The following CENPO variants were observed in gnomAD, a reference collection of about 807,000 sequenced individuals.
The protein encoded by CENPO is centromeric protein O.
CENPO carries 30 observed loss-of-function variants against 36.1 expected under a neutral mutation model. The observed-to-expected ratio is 0.83, with a 90% confidence interval of 0.62 to 1.13. The LOEUF (loss-of-function observed/expected upper bound fraction) is 1.13. Ranked by LOEUF, CENPO falls within the 50% of genes most tolerant of loss-of-function variation. CENPO has a pLI of 0.00. For missense variants in CENPO, 349 were observed against 357.8 expected (o/e 0.98, Z 0.20); for synonymous variants, 171 against 142.3 (o/e 1.20, Z -1.44).
At chr2:24,819,205 G>GTTCT (rs1205483364) in intron 7 of CENPO, 149 bp from the exon 8 acceptor site, 1 of 152,592 alleles carries the variant, frequency 6.6e-6, no homozygotes, top group Non-Finnish European at 1.5e-5. Context: ...AAACAGTCTT[G>GTTCT]TTCTTTATCA....
chr2:24,796,231 G>A (rs757824962), intron 2 of CENPO, among the ~76,000 whole-genome samples: 8 of 152,168 alleles, frequency 5.3e-5, no homozygotes, highest in Non-Finnish European at 1.0e-4. Flanking sequence ...GTGCATGCCT[G>A]TAGTCCCAGC....
In CENPO at chr2:24,820,844, C is replaced by A. The variant is rs761612616; in HGVS notation, c.*1526C>A. Reference sequence around the variant, plus strand: ...CCCCAGCCAGAACCCCGCCTTTGTTCATGCCTAGGGTAGAGGCATAAAGTT... The same window carrying A: ...CCCCAGCCAGAACCCCGCCTTTGTTAATGCCTAGGGTAGAGGCATAAAGTT... On this transcript the variant is annotated 3_prime_UTR_variant, in exon 8 of 8. Transcript: ENST00000380834. 4.3e-6 allele frequency: 7 copies of A among 1,613,838 alleles called. No individual in the cohort carries two copies. The African/African-American group carries it at 9.3e-5, about 22-fold the overall frequency.
chr2:24,793,820 T>G lies in CENPO; in HGVS notation c.-68-32T>G, dbSNP rs1572715871. On this transcript the variant is annotated intron_variant, in intron 1 of 7. Transcript: ENST00000380834. ...GTCTGGGTTTGAATGGGACTAGATG[T>G]GATGTGACTGTTGCCATTTTTCTTT... The G allele has an allele frequency of 2.0e-6, 3 of 1,507,832 alleles. No homozygotes were observed. In the South Asian group the frequency reaches 3.4e-5, roughly 17 times the overall value. 93.4% of individuals were successfully genotyped at this position (1,507,832 alleles called of 1,614,324 possible).
chr2:24,817,901 T>TG, intron 7 of CENPO, 60 bp downstream of exon 7: 2 of 1,383,408 alleles, frequency 1.4e-6, no homozygotes, highest in Non-Finnish European at 2.0e-6. Context: ...GAAGGGTACA[T>TG]CACCCTTCTG....
chr2:24,820,716 G>C lies in CENPO; in HGVS notation c.*1398G>C. 6.2e-7 allele frequency: 1 copy of C among 1,613,956 alleles called. No individual in the cohort carries two copies. The highest frequency in any genetic ancestry group is 8.5e-7 in the Non-Finnish European group (1 of 1,179,920). On this transcript the variant is annotated 3_prime_UTR_variant, in exon 8 of 8. Transcript: ENST00000380834. Reference sequence around the variant, plus strand: ...CTGAGCACGTGCCAGCTGTGCCACTGGACATACCTGAATGTTGCCCATGAC... The same window carrying C: ...CTGAGCACGTGCCAGCTGTGCCACTCGACATACCTGAATGTTGCCCATGAC...
chr2:24,821,124 G>C lies in CENPO; in HGVS notation c.*1806G>C. Reference sequence around the variant, plus strand: ...ACAGCTGGTATTTCAAGTCTCCTGGGACCTCACTCAGGAATGATACCCCCT... The same window carrying C: ...ACAGCTGGTATTTCAAGTCTCCTGGCACCTCACTCAGGAATGATACCCCCT... On this transcript the variant is annotated 3_prime_UTR_variant, in exon 8 of 8. Coordinates refer to ENST00000380834, the MANE Select transcript of CENPO (RefSeq NM_001322101.2). 2.1e-6 allele frequency: 1 copy of C among 469,992 alleles called. No homozygotes were observed. The highest frequency in any genetic ancestry group is 3.8e-6 in the Non-Finnish European group (1 of 264,410). The allele number at this position is 469,992 out of a possible 1,614,324, so 29.1% of individuals were successfully genotyped here.
intron 4 of CENPO, 165 bp downstream of exon 4, chr2:24,814,658 C>T (rs188021025): frequency 1.5e-5 from 9 of 599,178 alleles, no homozygotes; most frequent in East Asian, 1.4e-4. Flanking sequence ...ACACAGCTGA[C>T]GTGCTATTTG....
At position 24,821,782 on chromosome 2, in the gene CENPO, G is replaced by A. The variant is rs771782940; in HGVS notation, c.*2464G>A. On this transcript the variant is annotated 3_prime_UTR_variant, in exon 8 of 8. Transcript: ENST00000380834. Reference sequence around the variant, plus strand: ...TTACTTTTCCTCCCACAAAGGAGTCGCAGCCACGCTAGCTCTGACTTGCCA... The same window carrying A: ...TTACTTTTCCTCCCACAAAGGAGTCACAGCCACGCTAGCTCTGACTTGCCA... 1.6e-5 allele frequency: 20 copies of A among 1,255,214 alleles called. No homozygotes were observed. Among genetic ancestry groups the A allele is most frequent in the Admixed American group, 4.7e-5 (2 of 42,844 alleles). 77.8% of individuals were successfully genotyped at this position (1,255,214 alleles called of 1,614,324 possible).
chr2:24,811,524 C>A (rs931214714), intron 3 of CENPO, among the ~76,000 whole-genome samples: 2 of 150,834 alleles, frequency 1.3e-5, no homozygotes, highest in Non-Finnish European at 2.9e-5. Context: ...TGCAGTGGTG[C>A]GGTCTCGGCT....
Position 24,820,281 on chromosome 2 carries a change from C to CGGGTGGGAAGGAGA in CENPO, c.*964_*977dup. The stretch of plus-strand genomic sequence containing the variant: ...AAGCCCTTCCACCCGTGGCGAGCAG[C>CGGGTGGGAAGGAGA]GGGTGGGAAGGAGAACCCTGGAGTG... On this transcript the variant is annotated 3_prime_UTR_variant, in exon 8 of 8. Transcript: ENST00000380834. 1 of 1,243,734 alleles carries CGGGTGGGAAGGAGA rather than the reference C, an allele frequency of 8.0e-7. No individual in the cohort carries two copies. Among genetic ancestry groups the CGGGTGGGAAGGAGA allele is most frequent in the East Asian group, 2.9e-5 (1 of 34,194 alleles). 77.0% of individuals were successfully genotyped at this position (1,243,734 alleles called of 1,614,324 possible).
chr2:24,820,998 G>T lies in CENPO; in HGVS notation c.*1680G>T. Reference sequence around the variant, plus strand: ...ACTTGGCTGTATGCTATTGGAGGGTGGAAATCACATCTCCTGTTTATCCGT... The same window carrying T: ...ACTTGGCTGTATGCTATTGGAGGGTTGAAATCACATCTCCTGTTTATCCGT... On this transcript the variant is annotated 3_prime_UTR_variant, in exon 8 of 8. Coordinates refer to ENST00000380834, the MANE Select transcript of CENPO (RefSeq NM_001322101.2). 1 of 1,122,648 alleles carries T rather than the reference G, an allele frequency of 8.9e-7. No individual in the cohort carries two copies. Among genetic ancestry groups the T allele is most frequent in the South Asian group, 1.6e-5 (1 of 61,412 alleles). 69.5% of individuals were successfully genotyped at this position (1,122,648 alleles called of 1,614,324 possible).
At chr2:24,808,682 C>T (rs1666540652) in intron 3 of CENPO, among the ~76,000 whole-genome samples, 1 of 152,066 alleles carries the variant, frequency 6.6e-6, no homozygotes, top group South Asian at 2.1e-4. Context: ...ATAAATTGCC[C>T]TCACATTCTC....
intron 5 of CENPO, 29 bp from the exon 6 acceptor site, chr2:24,816,617 T>G: frequency 6.5e-7 from 1 of 1,539,980 alleles, no homozygotes; most frequent in Non-Finnish European, 8.7e-7. Context: ...AGTCATCCTC[T>G]ACTTCGTTTT....
At chr2:24,794,945 C>G (rs1223462602) in intron 2 of CENPO, among the ~76,000 whole-genome samples, 2 of 152,176 alleles carry the variant, frequency 1.3e-5, no homozygotes, top group African/African-American at 2.4e-5. Context: ...CTATTTTTCT[C>G]TGGGTCATCA....
Position 24,820,188 on chromosome 2 carries a change from T to A in CENPO, c.*870T>A. The A allele has an allele frequency of 8.0e-7, 1 of 1,253,294 alleles. No individual in the cohort carries two copies. The allele number at this position is 1,253,294 out of a possible 1,614,324, so 77.6% of individuals were successfully genotyped here. On this transcript the variant is annotated 3_prime_UTR_variant, in exon 8 of 8. Coordinates refer to ENST00000380834, the MANE Select transcript of CENPO (RefSeq NM_001322101.2). The stretch of plus-strand genomic sequence containing the variant: ...ACTGAGGGCGGGTGGGGGCTTTGGG[T>A]GGTTGGAGCCGAGCACTGATCCATG...
chr2:24,821,083 G>C lies in CENPO; in HGVS notation c.*1765G>C. 1.8e-6 allele frequency: 1 copy of C among 563,062 alleles called. No individual in the cohort carries two copies. Among genetic ancestry groups the C allele is most frequent in the Non-Finnish European group, 3.1e-6 (1 of 326,888 alleles). The allele number at this position is 563,062 out of a possible 1,614,324, so 34.9% of individuals were successfully genotyped here. Reference sequence around the variant, plus strand: ...ATATGCAGATTTACTCGGCATGGTAGTGGCCAGCTTCTAACACAGCTGGTA... The same window carrying C: ...ATATGCAGATTTACTCGGCATGGTACTGGCCAGCTTCTAACACAGCTGGTA... On this transcript the variant is annotated 3_prime_UTR_variant, in exon 8 of 8. Transcript: ENST00000380834.
intron 1 of CENPO, 36 bp from the exon 2 acceptor site, chr2:24,793,816 G>A (rs546822271): frequency 6.7e-7 from 1 of 1,483,556 alleles, no homozygotes; most frequent in African/African-American, 1.4e-5. Context: ...AATGGGACTA[G>A]ATGTGATGTG....
rs1343216896 is a variant in CENPO at position 24,820,689 on chromosome 2, G to C, written c.*1371G>C. On this transcript the variant is annotated 3_prime_UTR_variant, in exon 8 of 8. Coordinates refer to ENST00000380834, the MANE Select transcript of CENPO (RefSeq NM_001322101.2). ...TGTTCCGGTTTTGTTCTCATGCCGA[G>C]TCTGAGCACGTGCCAGCTGTGCCAC... is the stretch of plus-strand genomic sequence containing the variant. 2 of 1,613,004 alleles carry C rather than the reference G, an allele frequency of 1.2e-6. No homozygotes were observed. The highest frequency in any genetic ancestry group is 2.7e-5 in the African/African-American group (2 of 74,878).
intron 2 of CENPO, among the ~76,000 whole-genome samples, chr2:24,796,479 A>G (rs1474416479): frequency 6.6e-6 from 1 of 152,010 alleles, no homozygotes; most frequent in Non-Finnish European, 1.5e-5. Context: ...TCAGTGGAAA[A>G]GATAAGCAAA....
Sources: allele counts gnomAD v4.1 joint callset (sites outside exome capture counted in the v4.1 genomes callset), GRCh38; gene constraint gnomAD v4.1.1; transcripts MANE v1.5; gene names NCBI Gene and HGNC (gene_info 2026-07-23, HGNC 2026-07-21).